SOX5: variants seen among roughly 807,000 people sequenced by gnomAD.
SOX5 encodes transcription factor SOX-5.
Under a neutral mutation model 92.0 loss-of-function variants are expected in SOX5, and 9 were observed. The observed-to-expected ratio is 0.10, with a 90% CI of 0.06 to 0.17. SOX5 has a LOEUF of 0.17. Among genes scored for constraint, SOX5 ranks in the 10% least tolerant of loss-of-function variants. SOX5 has a pLI of 1.00. For missense variants in SOX5, 642 were observed against 944.5 expected (o/e 0.68, Z 4.20); for synonymous variants, 344 against 336.3 (o/e 1.02, Z -0.25).
intron 1 of SOX5, among the ~76,000 whole-genome samples, chr12:23,910,880 A>G (rs2097344126): frequency 6.6e-6 from 1 of 152,110 alleles, no homozygotes; most frequent in Admixed American, 6.6e-5. Context: ...CTCAGAGTAA[A>G]CTATTATCTA....
At chr12:24,110,661 G>A (rs911494883) in intron 4 of SOX5, among the ~76,000 whole-genome samples, 6 of 152,090 alleles carry the variant, frequency 3.9e-5, no homozygotes, top group Admixed American at 2.0e-4. Flanking sequence ...CGAGGCGGAC[G>A]GATCACGAGG....
In SOX5 at chr12:24,287,507, A is replaced by C. The variant is rs570745439; in HGVS notation, c.-173-10195T>G. Among the ~76,000 whole-genome samples the C allele has an allele frequency of 3.5e-3, 523 of 150,360 alleles. 3 individuals are homozygous for C. Among genetic ancestry groups the C allele is most frequent in the Non-Finnish European group, 5.6e-3 (382 of 67,794 alleles). The stretch of plus-strand genomic sequence containing the variant: ...TTCAACCGTGCCTTCTGTCATGGCT[A>C]CTCAGCCCATGGCAACCCAGAAGAA... On this transcript the variant is annotated intron_variant, in intron 2 of 4. Coordinates refer to the SOX5 transcript ENST00000446891.
At chr12:24,258,342 GA>G (rs1180615441) in intron 3 of SOX5, among the ~76,000 whole-genome samples, 8 of 152,102 alleles carry the variant, frequency 5.3e-5, no homozygotes, top group African/African-American at 1.9e-4. Flanking sequence ...GAGCAGCAAT[GA>G]AAAATGGGAA....
At chr12:24,196,400 C>G (rs1039099207) in intron 4 of SOX5, among the ~76,000 whole-genome samples, 4 of 152,176 alleles carry the variant, frequency 2.6e-5, no homozygotes, top group African/African-American at 9.7e-5. Flanking sequence ...AATTATCACA[C>G]CATTGTAATG....
intron 6 of SOX5, among the ~76,000 whole-genome samples, chr12:23,713,378 A>T (rs2092228923): frequency 6.6e-6 from 1 of 152,190 alleles, no homozygotes; most frequent in Non-Finnish European, 1.5e-5. Context: ...GTTTGTGGGT[A>T]ATTTATTACA....
intron 1 of SOX5, among the ~76,000 whole-genome samples, chr12:24,418,670 GC>G (rs566461273): frequency 3.3e-5 from 5 of 152,146 alleles, no homozygotes; most frequent in Non-Finnish European, 7.4e-5. Context: ...CCAATAATCT[GC>G]CCCATCTTTA....
chr12:23,934,336 TATACACATAC>T (rs966059257), intron 1 of SOX5, among the ~76,000 whole-genome samples: 1 of 150,984 alleles, frequency 6.6e-6, no homozygotes, highest in Non-Finnish European at 1.5e-5. Flanking sequence ...TCACTTTATA[TATACACATAC>T]ATACATATAA....
chr12:24,472,749 A>G (rs1944943546), intron 1 of SOX5, among the ~76,000 whole-genome samples: 1 of 152,126 alleles, frequency 6.6e-6, no homozygotes, highest in Admixed American at 6.6e-5. Context: ...TAAGAACATT[A>G]TCAGACATAC....
chr12:24,547,493 T>C (rs1952759317), intron 1 of SOX5, among the ~76,000 whole-genome samples: 1 of 152,330 alleles, frequency 6.6e-6, no homozygotes, highest in Middle Eastern at 3.4e-3. Flanking sequence ...GCCCGGCCTA[T>C]CTAACATTTT....
intron 4 of SOX5, among the ~76,000 whole-genome samples, chr12:24,040,274 C>A (rs1956396315): frequency 6.6e-6 from 1 of 152,084 alleles, no homozygotes; most frequent in Admixed American, 6.6e-5. Flanking sequence ...CACTGTGTAA[C>A]CTTAAATAAA....
Position 23,979,934 on chromosome 12 carries a change from CAGATAGATAGATAGAT to C in SOX5, c.-1-83926_-1-83911del, listed in dbSNP as rs1248874163. The stretch of plus-strand genomic sequence containing the variant: ...CTGGCCAGACAGACAGACAGACAGA[CAGATAGATAGATAGAT>C]AGACAGACAGACAGATAGATAGACA... On this transcript the variant is annotated intron_variant, in intron 4 of 4. Transcript: ENST00000446891. Among the ~76,000 whole-genome samples the C allele has an allele frequency of 2.3e-3, 270 of 116,952 alleles. 3 individuals are homozygous for C. Among genetic ancestry groups the C allele is most frequent in the African/African-American group, 8.1e-3 (258 of 31,714 alleles). The allele number at this position is 116,952 out of a possible 152,430, so 76.7% of individuals were successfully genotyped here.
At chr12:24,338,609 T>A (rs1298512668) in intron 2 of SOX5, among the ~76,000 whole-genome samples, 2 of 152,212 alleles carry the variant, frequency 1.3e-5, no homozygotes, top group African/African-American at 4.8e-5. Flanking sequence ...TTTGGCTATG[T>A]CCCCGCCCAA....
intron 4 of SOX5, among the ~76,000 whole-genome samples, chr12:23,976,414 A>C (rs919687123): frequency 5.5e-4 from 83 of 150,404 alleles, no homozygotes; most frequent in Middle Eastern, 6.8e-3. Flanking sequence ...AACAAAAAAA[A>C]AAAAAAAAAA....
intron 4 of SOX5, among the ~76,000 whole-genome samples, chr12:24,156,701 T>C (rs1565550745): frequency 6.6e-6 from 1 of 152,152 alleles, no homozygotes; most frequent in Non-Finnish European, 1.5e-5. Context: ...TTTTCTCAGA[T>C]ACAACAATTA....
At chr12:23,658,909 AAAACAAAC>A (rs1392273205) in intron 7 of SOX5, among the ~76,000 whole-genome samples, 4 of 152,190 alleles carry the variant, frequency 2.6e-5, no homozygotes, top group Non-Finnish European at 5.9e-5. Context: ...ATAAAAAATA[AAAACAAAC>A]AAACAAAAAA....
intron 4 of SOX5, among the ~76,000 whole-genome samples, chr12:24,141,648 G>C (rs143436914): frequency 0.01 from 1,590 of 152,310 alleles, 28 homozygotes; most frequent in African/African-American, 0.037. Flanking sequence ...TCTTGCACTA[G>C]TGGATCCTAA....
chr12:24,100,043 C>T (rs11047257), intron 4 of SOX5, among the ~76,000 whole-genome samples: 4,391 of 152,182 alleles, frequency 0.029, 84 homozygotes, highest in Non-Finnish European at 0.04. Flanking sequence ...TATCAAATTT[C>T]GAATCTTATA....
intron 3 of SOX5, among the ~76,000 whole-genome samples, chr12:24,243,332 A>G (rs1178257072): frequency 6.6e-6 from 1 of 152,132 alleles, no homozygotes; most frequent in Non-Finnish European, 1.5e-5. Flanking sequence ...CATAGTGTGT[A>G]TAGTGTTTAA....
At chr12:24,056,974 C>CAAAAAAAAAAAAAAAAAAAAA (rs60085412) in intron 4 of SOX5, among the ~76,000 whole-genome samples, 51 of 36,852 alleles carry the variant, frequency 1.4e-3, no homozygotes, top group South Asian at 3.2e-3. Context: ...GACTCCGTCT[C>CAAAAAAAAAAAAAAAAAAAAA]AAAAAAAAAA....
Sources: allele counts gnomAD v4.1 joint callset (sites outside exome capture counted in the v4.1 genomes callset), GRCh38; gene constraint gnomAD v4.1.1; transcripts MANE v1.5; gene names NCBI Gene and HGNC (gene_info 2026-07-23, HGNC 2026-07-21).